Variants in IGSF21 observed in about 807,000 individuals in gnomAD.
IGSF21 encodes the protein immunoglobin superfamily member 21.
Under a neutral mutation model 46.8 loss-of-function variants are expected in IGSF21, and 28 were observed. The ratio of observed to expected loss-of-function variants is 0.60; its 90% CI spans 0.44 to 0.82. The LOEUF is 0.82. Among genes scored for constraint, IGSF21 ranks in the 40% least tolerant of loss-of-function variants. The probability of loss-of-function intolerance (pLI) is 0.00; values close to 1 mark genes in which losing one functional copy is unlikely to be tolerated. For synonymous variants in IGSF21, 284 were observed against 273.6 expected, an observed-to-expected ratio of 1.04 and a Z score of -0.38; for missense variants, 624 against 665.5, an observed-to-expected ratio of 0.94 and a Z score of 0.69.
At chr1:18,254,100 G>T (rs1557609078) in intron 2 of IGSF21, among the ~76,000 whole-genome samples, 1 of 152,166 alleles carries the variant, frequency 6.6e-6, no homozygotes, top group Non-Finnish European at 1.5e-5. Context: ...TTTTGTAGAT[G>T]TAGAAGCTGA....
intron 1 of IGSF21, among the ~76,000 whole-genome samples, chr1:18,178,744 C>T (rs1485981802): frequency 6.6e-6 from 1 of 152,016 alleles, no homozygotes; most frequent in Non-Finnish European, 1.5e-5. Flanking sequence ...TGATGTCATC[C>T]CCCCTTCCCC....
Position 18,212,677 on chromosome 1 carries a change from G to T in IGSF21, c.71-15221G>T, listed in dbSNP as rs535861723. ...TGACTGCACCACCAGCCCAACCCAGGGGGGGTCCTGGCCCCTCTGCTCAAC... is the reference window on the plus strand; with the variant it reads ...TGACTGCACCACCAGCCCAACCCAGTGGGGGTCCTGGCCCCTCTGCTCAAC... On this transcript the variant is annotated intron_variant, in intron 1 of 9. Transcript: ENST00000251296. 9.2e-5 allele frequency among the ~76,000 whole-genome samples: 14 copies of T among 152,278 alleles called. 2 individuals are homozygous for T. Among genetic ancestry groups the T allele is most frequent in the African/African-American group, 3.4e-4 (14 of 41,576 alleles).
At chr1:18,276,569 C>T (rs955871317) in intron 2 of IGSF21, among the ~76,000 whole-genome samples, 2 of 152,204 alleles carry the variant, frequency 1.3e-5, no homozygotes, top group African/African-American at 2.4e-5. Flanking sequence ...CCCCGACCCC[C>T]GCCATCTCTA....
chr1:18,263,709 G>A (rs2124539158), intron 2 of IGSF21, among the ~76,000 whole-genome samples: 1 of 152,128 alleles, frequency 6.6e-6, no homozygotes, highest in South Asian at 2.1e-4. Context: ...GTCCCACTGG[G>A]GCCCTGCAGA....
At chr1:18,259,332 G>A (rs745628345) in intron 2 of IGSF21, among the ~76,000 whole-genome samples, 48 of 152,284 alleles carry the variant, frequency 3.2e-4, no homozygotes, top group Non-Finnish European at 6.0e-4. Flanking sequence ...TCTCACAATG[G>A]TCAGGACTAG....
rs182564709 is a variant in IGSF21 at position 18,284,568 on chromosome 1, G to A, written c.184-7298G>A. On this transcript the variant is annotated intron_variant, in intron 2 of 9. Transcript: ENST00000251296. ...CTTTTAGTATTTCTCACAACTCTGG[G>A]GTGTGAGTTTGTTTAATATCCCTCG... Among the ~76,000 whole-genome samples the A allele has an allele frequency of 3.3e-3, 502 of 152,288 alleles. 3 individuals are homozygous for A. Among genetic ancestry groups the A allele is most frequent in the African/African-American group, 0.011 (469 of 41,548 alleles).
At chr1:18,201,432 A>T (rs2087073267) in intron 1 of IGSF21, among the ~76,000 whole-genome samples, 1 of 152,210 alleles carries the variant, frequency 6.6e-6, no homozygotes, top group Non-Finnish European at 1.5e-5. Flanking sequence ...TTGCTGAAGG[A>T]AAGCCTCACC....
At chr1:18,303,593 C>T (rs747526074) in intron 3 of IGSF21, among the ~76,000 whole-genome samples, 22 of 152,128 alleles carry the variant, frequency 1.4e-4, no homozygotes, top group Non-Finnish European at 2.4e-4. Flanking sequence ...AAGTTAGTTC[C>T]GATGTTGAAT....
intron 3 of IGSF21, among the ~76,000 whole-genome samples, chr1:18,299,893 C>G (rs886707640): frequency 1.3e-5 from 2 of 152,146 alleles, no homozygotes; most frequent in African/African-American, 4.8e-5. Flanking sequence ...CAGGTCTCCT[C>G]CCAGCCACTA....
At chr1:18,257,872 C>A (rs535350473) in intron 2 of IGSF21, among the ~76,000 whole-genome samples, 12 of 152,204 alleles carry the variant, frequency 7.9e-5, no homozygotes, top group African/African-American at 2.4e-4. Flanking sequence ...CTCCCTCCCC[C>A]TCATGAACCC....
At chr1:18,204,053 T>G (rs549167631) in intron 1 of IGSF21, among the ~76,000 whole-genome samples, 56 of 152,194 alleles carry the variant, frequency 3.7e-4, no homozygotes, top group Non-Finnish European at 6.6e-4. Context: ...TGGTTGTGGG[T>G]ATTCCATACA....
intron 1 of IGSF21, among the ~76,000 whole-genome samples, chr1:18,159,441 A>G (rs1039843646): frequency 2.0e-5 from 3 of 152,186 alleles, no homozygotes; most frequent in African/African-American, 7.2e-5. Context: ...TAGCTCCCAT[A>G]ATTCCCATGT....
At chr1:18,177,396 T>TGTGGGGATGGGGTCAGTGAG (rs2086811516) in intron 1 of IGSF21, among the ~76,000 whole-genome samples, 31 of 33,088 alleles carry the variant, frequency 9.4e-4, no homozygotes, top group Admixed American at 3.3e-3. Flanking sequence ...CAGTGAGGTG[T>TGTGGGGATGGGGTCAGTGAG]GTGTGTGTGT....
intron 4 of IGSF21, among the ~76,000 whole-genome samples, chr1:18,357,678 T>C (rs571224455): frequency 1.8e-3 from 281 of 152,178 alleles, no homozygotes; most frequent in Middle Eastern, 6.8e-3. Context: ...AAGAGGGCGA[T>C]GCTAATAGTG....
chr1:18,116,789 G>A (rs943020743), intron 1 of IGSF21, among the ~76,000 whole-genome samples: 1 of 152,262 alleles, frequency 6.6e-6, no homozygotes, highest in Non-Finnish European at 1.5e-5. Context: ...GGGGATTAAA[G>A]GGAGTGGCCC....
intron 1 of IGSF21, among the ~76,000 whole-genome samples, chr1:18,134,263 T>A (rs2086349054): frequency 6.6e-6 from 1 of 152,058 alleles, no homozygotes; most frequent in African/African-American, 2.4e-5. Flanking sequence ...TGTTTAGAGG[T>A]CTGATTCTGC....
At chr1:18,294,592 A>T (rs2124568434) in intron 3 of IGSF21, among the ~76,000 whole-genome samples, 1 of 152,330 alleles carries the variant, frequency 6.6e-6, no homozygotes, top group East Asian at 1.9e-4. Flanking sequence ...CCAGAGAGGG[A>T]ATGAGGCTTG....
intron 2 of IGSF21, among the ~76,000 whole-genome samples, chr1:18,248,919 C>T (rs1190677488): frequency 6.6e-6 from 1 of 152,044 alleles, no homozygotes; most frequent in Non-Finnish European, 1.5e-5. Flanking sequence ...AAGCCAGACT[C>T]GAGTGGTCAA....
intron 1 of IGSF21, among the ~76,000 whole-genome samples, chr1:18,172,244 A>G (rs1043066673): frequency 7.2e-5 from 11 of 152,236 alleles, no homozygotes; most frequent in Non-Finnish European, 1.5e-5. Context: ...GTTACCTGAG[A>G]TGGAAGCATC....
Sources: gnomAD v4.1 joint callset for allele counts (sites outside exome capture counted in the v4.1 genomes callset) on GRCh38, gnomAD v4.1.1 for gene constraint, MANE v1.5 for transcripts, NCBI Gene and HGNC (gene_info 2026-07-23, HGNC 2026-07-21) for gene names.